SP3: variants seen among roughly 807,000 people sequenced by gnomAD.
The protein encoded by SP3 is transcription factor Sp3.
In SP3, 10 loss-of-function variants were observed where a neutral mutation model predicts 70.3. That is an observed-to-expected ratio of 0.14 (90% CI 0.09 to 0.24). The LOEUF (loss-of-function observed/expected upper bound fraction) is 0.24. SP3 is among the 10% of genes least tolerant of loss of function. SP3 has a pLI of 1.00. For missense variants in SP3, 825 were observed against 914.6 expected (o/e 0.90, Z 1.26); for synonymous variants, 402 against 333.5 (o/e 1.21, Z -2.24).
chr2:173,964,203 G>A (rs1691191473), intron 2 of SP3: 4 of 467,498 alleles, frequency 8.6e-6, no homozygotes, highest in Non-Finnish European at 1.5e-5. Context: ...GCACAAAAAG[G>A]CGGCAGGCGG....
chr2:173,938,406 C>T (rs778251683), intron 4 of SP3, among the ~76,000 whole-genome samples: 5 of 145,826 alleles, frequency 3.4e-5, no homozygotes, highest in Non-Finnish European at 7.4e-5. Context: ...TTGCAGTGAG[C>T]CGAGATAGTG....
At chr2:173,964,020 C>CTCCTCG in intron 2 of SP3, 137 bp from the exon 3 acceptor site, 1 of 396,822 alleles carries the variant, frequency 2.5e-6, no homozygotes, top group East Asian at 4.4e-5. Flanking sequence ...CGCTCTCCTC[C>CTCCTCG]TCCTCCTCCT....
chr2:173,921,423 T>A (rs1689750818), intron 4 of SP3, among the ~76,000 whole-genome samples: 1 of 152,214 alleles, frequency 6.6e-6, no homozygotes, highest in African/African-American at 2.4e-5. Flanking sequence ...GCAGGGTGGC[T>A]CATGCCTGTA....
At chr2:173,928,844 T>C (rs1212989105) in intron 4 of SP3, among the ~76,000 whole-genome samples, 2 of 152,202 alleles carry the variant, frequency 1.3e-5, no homozygotes, top group Non-Finnish European at 2.9e-5. Flanking sequence ...TGCCCTCCAA[T>C]TTTTACATAT....
chr2:173,963,866 C>A lies in SP3; in HGVS notation c.174G>T (p.Pro58=). The A allele has an allele frequency of 6.6e-7, 1 of 1,505,340 alleles. No individual in the cohort carries two copies. Among genetic ancestry groups the A allele is most frequent in the Non-Finnish European group, 8.9e-7 (1 of 1,124,462 alleles). 93.2% of individuals were successfully genotyped at this position (1,505,340 alleles called of 1,614,324 possible). ...AAAAQDTQPS[P]LALLAATCSK... is the part of the protein sequence containing the mutation. ...TGCAGGTAGCGGCCAGCAGAGCGAG[C>A]GGTGACGGCTGAGTGTCCTACCCCC... The change falls in exon 3 of 7, where the codon CCG becomes CCT. Residue 58 remains proline (P), a synonymous_variant. Transcript: ENST00000310015.
chr2:173,923,339 A>C (rs1438504547), intron 4 of SP3, among the ~76,000 whole-genome samples: 1 of 152,124 alleles, frequency 6.6e-6, no homozygotes, highest in Admixed American at 6.5e-5. Context: ...AGAGAAAAAA[A>C]CAGAAAATTT....
Position 173,963,890 on chromosome 2 carries a change from C to T in SP3, c.157-7G>A, listed in dbSNP as rs113303834. The stretch of plus-strand genomic sequence containing the variant: ...GCGGTGACGGCTGAGTGTCCTACCC[C>T]CAATGGGCGGGTTCAGAGAGGGAGA... On this transcript the variant is annotated splice_region_variant and splice_polypyrimidine_tract_variant and intron_variant, in intron 2 of 6. Coordinates refer to ENST00000310015, the MANE Select transcript of SP3 (RefSeq NM_003111.5). The T allele has an allele frequency of 0.024, 35,969 of 1,495,466 alleles. 481 individuals are homozygous for T. The highest frequency in any genetic ancestry group is 0.031 in the Middle Eastern group (124 of 4,054). 92.6% of individuals were successfully genotyped at this position (1,495,466 alleles called of 1,614,324 possible). A position where few individuals can be genotyped will look rare whatever the true frequency, so the allele number is the denominator to read the frequency against.
At chr2:173,917,128 AATAAAC>A (rs1689634904) in intron 5 of SP3, among the ~76,000 whole-genome samples, 1 of 152,102 alleles carries the variant, frequency 6.6e-6, no homozygotes. Context: ...GTTTTAGTTT[AATAAAC>A]ATAAACTAAT....
At chr2:173,927,322 G>A (rs908517589) in intron 4 of SP3, among the ~76,000 whole-genome samples, 14 of 150,966 alleles carry the variant, frequency 9.3e-5, no homozygotes, top group Admixed American at 5.9e-4. Context: ...GTCGCCCAGG[G>A]TGGGGTACAG....
At chr2:173,959,321 G>C (rs976966010) in intron 3 of SP3, among the ~76,000 whole-genome samples, 2 of 150,242 alleles carry the variant, frequency 1.3e-5, no homozygotes, top group Non-Finnish European at 3.0e-5. Flanking sequence ...AAATGGGAGA[G>C]GAATAAATTA....
At chr2:173,956,444 G>A (rs1264211493) in intron 3 of SP3, among the ~76,000 whole-genome samples, 1 of 152,028 alleles carries the variant, frequency 6.6e-6, no homozygotes, top group Middle Eastern at 3.2e-3. Flanking sequence ...ATTTGAGTGG[G>A]ATAAAAAAAA....
chr2:173,958,161 TTTATCAAAGAATATAGTAAC>T (rs1359339773), intron 3 of SP3, among the ~76,000 whole-genome samples: 2 of 152,104 alleles, frequency 1.3e-5, no homozygotes, highest in African/African-American at 4.8e-5. Flanking sequence ...GTATTGAACT[TTTATCAAAGAATATAGTAAC>T]TCAGACACAA....
rs1689692595 is a variant in SP3 at position 173,919,576 on chromosome 2, C to T, written c.1640-791G>A. Among the ~76,000 whole-genome samples the T allele has an allele frequency of 2.6e-5, 4 of 152,056 alleles. No homozygotes were observed. The South Asian group carries it at 6.2e-4, about 24-fold the overall frequency. ...CTCAGGAGAAACAAAAGTAATAATCCATCAAAATGACCCATAAAAGTAAGA... is the reference window on the plus strand; with the variant it reads ...CTCAGGAGAAACAAAAGTAATAATCTATCAAAATGACCCATAAAAGTAAGA... On this transcript the variant is annotated intron_variant, in intron 4 of 6. Coordinates refer to ENST00000310015, the MANE Select transcript of SP3 (RefSeq NM_003111.5).
rs1559088172 is a variant in SP3, at chr2:173,910,261, T to C, written c.2030-4A>G. The C allele has an allele frequency of 6.2e-7, 1 of 1,611,364 alleles. No individual in the cohort carries two copies. Among genetic ancestry groups the C allele is most frequent in the Non-Finnish European group, 8.5e-7 (1 of 1,178,932 alleles). On this transcript the variant is annotated splice_region_variant and splice_polypyrimidine_tract_variant and intron_variant, in intron 6 of 6. Transcript: ENST00000310015. Reference sequence around the variant, plus strand: ...GGACAAACAAATTTCTTCTCACCTGTTAAGAAAAAAATTAAGTTACTTGGT... The same window carrying C: ...GGACAAACAAATTTCTTCTCACCTGCTAAGAAAAAAATTAAGTTACTTGGT...
chr2:173,927,998 A>G (rs1689965803), intron 4 of SP3, among the ~76,000 whole-genome samples: 2 of 152,080 alleles, frequency 1.3e-5, no homozygotes, highest in African/African-American at 4.8e-5. Context: ...ATAGTTTTTT[A>G]TTTCTTCTAC....
intron 4 of SP3, among the ~76,000 whole-genome samples, chr2:173,944,090 C>T (rs541045874): frequency 6.6e-6 from 1 of 152,344 alleles, no homozygotes; most frequent in South Asian, 2.1e-4. Context: ...ACTGAAACAT[C>T]ATTATGCAGC....
At chr2:173,923,854 C>A (rs1241204502) in intron 4 of SP3, among the ~76,000 whole-genome samples, 1 of 151,922 alleles carries the variant, frequency 6.6e-6, no homozygotes, top group Admixed American at 6.6e-5. Context: ...AATCATCTAA[C>A]AGAACCACCG....
intron 1 of SP3, chr2:173,964,926 G>C (rs1691243937): frequency 1.9e-6 from 1 of 532,820 alleles, no homozygotes; most frequent in Non-Finnish European, 3.2e-6. Flanking sequence ...ATGCGCTCCC[G>C]GCGGACCGGG....
intron 3 of SP3, among the ~76,000 whole-genome samples, chr2:173,958,927 A>G (rs925340792): frequency 6.6e-6 from 1 of 152,182 alleles, no homozygotes; most frequent in Non-Finnish European, 1.5e-5. Context: ...TAAATTTTAT[A>G]AACTATTGAG....
Sources: allele counts gnomAD v4.1 joint callset (sites outside exome capture counted in the v4.1 genomes callset), GRCh38; gene constraint gnomAD v4.1.1; transcripts MANE v1.5; gene names NCBI Gene and HGNC (gene_info 2026-07-23, HGNC 2026-07-21).